SLC24A2: variants seen among roughly 807,000 people sequenced by gnomAD.
The protein encoded by SLC24A2 is solute carrier family 24 member 2.
Under a neutral mutation model 62.0 loss-of-function variants are expected in SLC24A2, and 36 were observed. That is an observed-to-expected ratio of 0.58 (90% confidence interval 0.44 to 0.77). SLC24A2 has a LOEUF of 0.77. Ranked by LOEUF, SLC24A2 falls within the 30% of genes least tolerant of loss-of-function variation. The pLI is 0.00. For synonymous variants in SLC24A2, 358 were observed against 294.0 expected (o/e 1.22, Z -2.23); for missense variants, 846 against 817.9 (o/e 1.03, Z -0.42).
the SLC24A2 span, among the ~76,000 whole-genome samples, chr9:20,258,804 C>CTATCTATCTATCT: frequency 0.025 from 3,115 of 124,300 alleles, 102 homozygotes; most frequent in African/African-American, 0.075. Flanking sequence ...ATCTATCTAT[C>CTATCTATCTATCT]TATCTATCTA....
At chr9:19,545,702 A>G (rs1563951295) in intron 8 of SLC24A2, among the ~76,000 whole-genome samples, 1 of 151,348 alleles carries the variant, frequency 6.6e-6, no homozygotes, top group East Asian at 1.9e-4. Context: ...GCAGTGGTGC[A>G]ATCATGGCTC....
intron 2 of SLC24A2, among the ~76,000 whole-genome samples, chr9:19,737,608 C>T (rs868040712): frequency 1.6e-4 from 25 of 151,866 alleles, no homozygotes; most frequent in African/African-American, 5.8e-4. Flanking sequence ...AAGGTGTATA[C>T]ATTTTGATAT....
At chr9:19,920,483 G>A in the SLC24A2 span, among the ~76,000 whole-genome samples, 1 of 152,134 alleles carries the variant, frequency 6.6e-6, no homozygotes, top group Admixed American at 6.5e-5. Flanking sequence ...GGAGATCCCA[G>A]GAAGTACTGC....
chr9:20,019,237 A>C, the SLC24A2 span, among the ~76,000 whole-genome samples: 1 of 127,152 alleles, frequency 7.9e-6, no homozygotes, highest in South Asian at 2.8e-4. Context: ...GAAAGAAAGA[A>C]AAAGAAAGAA....
the SLC24A2 span, among the ~76,000 whole-genome samples, chr9:20,050,647 T>C: frequency 1.3e-5 from 2 of 152,228 alleles, no homozygotes; most frequent in Non-Finnish European, 2.9e-5. Context: ...TATAAAGATG[T>C]ATCAACTCTA....
Position 19,701,277 on chromosome 9 carries a change from C to T in SLC24A2, c.931-78978G>A, listed in dbSNP as rs1319134569. On this transcript the variant is annotated intron_variant, in intron 2 of 10. Coordinates refer to ENST00000341998, the MANE Select transcript of SLC24A2 (RefSeq NM_020344.4). The stretch of plus-strand genomic sequence containing the variant: ...ATAAAAGACATATTGTAGCGGAATC[C>T]GCTAGTGCCCAGTCCATTTTTCCAG... 3.3e-5 allele frequency among the ~76,000 whole-genome samples: 5 copies of T among 152,186 alleles called. No homozygotes were observed. In the South Asian group the frequency reaches 6.2e-4, roughly 19 times the overall value.
chr9:20,241,825 G>A, the SLC24A2 span, among the ~76,000 whole-genome samples: 2 of 152,038 alleles, frequency 1.3e-5, no homozygotes, highest in African/African-American at 4.8e-5. Context: ...TGAAGGAGCA[G>A]GAGGAGCAGA....
intron 7 of SLC24A2, among the ~76,000 whole-genome samples, chr9:19,559,654 A>T (rs1278126163): frequency 2.6e-5 from 4 of 152,208 alleles, no homozygotes; most frequent in African/African-American, 7.2e-5. Context: ...TATTTGCCAA[A>T]TGAAAGGTGC....
At chr9:20,134,099 G>A in the SLC24A2 span, among the ~76,000 whole-genome samples, 20 of 152,198 alleles carry the variant, frequency 1.3e-4, no homozygotes, top group African/African-American at 4.6e-4. Context: ...CTATGATATC[G>A]ATGAGAGCTG....
the SLC24A2 span, among the ~76,000 whole-genome samples, chr9:20,239,828 A>G: frequency 1.3e-5 from 2 of 152,200 alleles, no homozygotes. Context: ...TCTATTGTCA[A>G]AGAAAAAGAG....
At chr9:20,174,996 A>G in the SLC24A2 span, among the ~76,000 whole-genome samples, 106 of 137,024 alleles carry the variant, frequency 7.7e-4, 1 homozygote, top group South Asian at 0.024. Flanking sequence ...TGATATATAT[A>G]TATATCAGTT....
the SLC24A2 span, among the ~76,000 whole-genome samples, chr9:19,981,645 G>C: frequency 1.9e-4 from 29 of 152,100 alleles, no homozygotes; most frequent in Non-Finnish European, 4.3e-4. Flanking sequence ...GGCTTTAAGG[G>C]ATGACTCTGT....
intron 2 of SLC24A2, among the ~76,000 whole-genome samples, chr9:19,658,075 G>T (rs1159612216): frequency 6.6e-6 from 1 of 152,158 alleles, no homozygotes; most frequent in Non-Finnish European, 1.5e-5. Context: ...TCAGGCACTG[G>T]ACTGCTCCTA....
At chr9:20,244,823 T>C in the SLC24A2 span, among the ~76,000 whole-genome samples, 1 of 152,196 alleles carries the variant, frequency 6.6e-6, no homozygotes, top group Non-Finnish European at 1.5e-5. Flanking sequence ...AGAAATGTAG[T>C]TTGCTTTCAT....
chr9:19,836,359 G>A, the SLC24A2 span, among the ~76,000 whole-genome samples: 9 of 151,742 alleles, frequency 5.9e-5, no homozygotes, highest in African/African-American at 2.2e-4. Flanking sequence ...AAAGAGAGAA[G>A]AATTAAACAG....
chr9:20,025,828 T>C, the SLC24A2 span, among the ~76,000 whole-genome samples: 1 of 152,040 alleles, frequency 6.6e-6, no homozygotes, highest in Admixed American at 6.6e-5. Flanking sequence ...CCAACAGTTT[T>C]TATAGACATC....
the SLC24A2 span, among the ~76,000 whole-genome samples, chr9:20,085,187 C>T: frequency 1.3e-5 from 2 of 152,086 alleles, no homozygotes; most frequent in South Asian, 2.1e-4. Flanking sequence ...TTTGTAGACA[C>T]ATTATCTCCC....
chr9:19,684,506 C>T (rs1446697125), intron 2 of SLC24A2, among the ~76,000 whole-genome samples: 2 of 152,142 alleles, frequency 1.3e-5, no homozygotes, highest in East Asian at 3.9e-4. Context: ...TAAAGACCCA[C>T]ACTACAAGTG....
the SLC24A2 span, among the ~76,000 whole-genome samples, chr9:20,010,831 T>A: frequency 6.8e-6 from 1 of 146,000 alleles, no homozygotes; most frequent in Admixed American, 6.9e-5. Context: ...CATTGTTCAA[T>A]TCCCACCTAT....
Sources: gnomAD v4.1 joint callset for allele counts (sites outside exome capture counted in the v4.1 genomes callset) on GRCh38, gnomAD v4.1.1 for gene constraint, MANE v1.5 for transcripts, NCBI Gene and HGNC (gene_info 2026-07-23, HGNC 2026-07-21) for gene names.